The following ARID1B variants were observed in gnomAD, a reference collection of about 807,000 sequenced individuals.
The protein encoded by ARID1B is AT-rich interactive domain-containing protein 1B.
ARID1B carries 30 observed loss-of-function variants against 212.3 expected under a neutral mutation model. The observed-to-expected ratio is 0.14, with a 90% confidence interval of 0.11 to 0.19. ARID1B has a LOEUF of 0.19. Ranked by LOEUF, ARID1B falls within the 10% of genes least tolerant of loss-of-function variation. ARID1B has a pLI of 1.00. For missense variants in ARID1B, 2,891 were observed against 3,204.0 expected, an observed-to-expected ratio of 0.90 and a Z score of 2.36; for synonymous variants, 1,402 against 1,301.7, an observed-to-expected ratio of 1.08 and a Z score of -1.66.
chr6:157,158,288 G>T (rs1306629110), intron 8 of ARID1B, among the ~76,000 whole-genome samples: 1 of 152,178 alleles, frequency 6.6e-6, no homozygotes, highest in Non-Finnish European at 1.5e-5. Flanking sequence ...TGTGGCCCAG[G>T]CCACCGTTAA....
intron 4 of ARID1B, among the ~76,000 whole-genome samples, chr6:157,062,002 C>A (rs909483295): frequency 6.6e-6 from 1 of 152,050 alleles, no homozygotes; most frequent in Non-Finnish European, 1.5e-5. Context: ...GTGGGAAAAG[C>A]GAGACAGCAA....
chr6:156,904,602 A>C (rs551079711), intron 3 of ARID1B, among the ~76,000 whole-genome samples: 113 of 152,352 alleles, frequency 7.4e-4, no homozygotes, highest in African/African-American at 2.7e-3. Context: ...GACTCTTCCT[A>C]CATATGTGCC....
At chr6:157,156,003 TTATTTTCCTCTGAAGCCAG>T (rs1388146417) in intron 8 of ARID1B, among the ~76,000 whole-genome samples, 1 of 152,226 alleles carries the variant, frequency 6.6e-6, no homozygotes, top group Admixed American at 6.5e-5. Context: ...TTTTTCTGTG[TTATTTTCCTCTGAAGCCAG>T]TATGATGCAA....
At chr6:156,837,309 A>AGC (rs1319289836) in intron 2 of ARID1B, among the ~76,000 whole-genome samples, 1 of 152,238 alleles carries the variant, frequency 6.6e-6, no homozygotes, top group African/African-American at 2.4e-5. Context: ...AGAGAGATCT[A>AGC]GCAATTACTC....
intron 4 of ARID1B, among the ~76,000 whole-genome samples, chr6:157,009,953 C>T (rs936638765): frequency 6.6e-6 from 1 of 152,216 alleles, no homozygotes; most frequent in Admixed American, 6.5e-5. Context: ...TTCCAGGACT[C>T]TACAAAAGAT....
chr6:157,101,171 A>G lies in ARID1B; in HGVS notation c.2492-9301A>G, dbSNP rs563562257. On this transcript the variant is annotated intron_variant, in intron 5 of 19. Transcript: ENST00000636930. The stretch of plus-strand genomic sequence containing the variant: ...AGTAATGTATCAGTATTTGGTTGCT[A>G]CAATGTGTTCTTTTAATTTCTCACT... Among the ~76,000 whole-genome samples, 28 of 152,340 alleles carry G rather than the reference A, an allele frequency of 1.8e-4. No individual in the cohort carries two copies. The East Asian group carries it at 5.2e-3, about 28-fold the overall frequency.
In ARID1B at chr6:157,140,818, G is replaced by T. The variant is rs539243784; in HGVS notation, c.2761+7611G>T. The stretch of plus-strand genomic sequence containing the variant: ...GGGATCCGCTTCTGCCCCGGGAGAG[G>T]CAGCGGCCTTCCACATGGCTCCCTT... On this transcript the variant is annotated intron_variant, in intron 7 of 19. Transcript: ENST00000636930. 14 of 395,502 alleles carry T rather than the reference G, an allele frequency of 3.5e-5. No individual in the cohort carries two copies. In the South Asian group the frequency reaches 8.5e-4, roughly 24 times the overall value. The allele number at this position is 395,502 out of a possible 1,614,324, so 24.5% of individuals were successfully genotyped here. A position where few individuals can be genotyped will look rare whatever the true frequency, so the allele number is the denominator to read the frequency against.
Position 156,865,324 on chromosome 6 carries a change from C to T in ARID1B, c.1986+35903C>T, listed in dbSNP as rs574586316. Among the ~76,000 whole-genome samples the T allele has an allele frequency of 7.2e-5, 11 of 152,230 alleles. No homozygotes were observed. The South Asian group carries it at 2.3e-3, about 32-fold the overall frequency. On this transcript the variant is annotated intron_variant, in intron 2 of 19. Coordinates refer to ENST00000636930, the MANE Select transcript of ARID1B (RefSeq NM_001374828.1). ...TGTCTTTAAAATAAAAGACATTTTA[C>T]CCTCATGCATGACTTATAGATTGAG...
At chr6:156,825,221 T>C (rs761347770) in intron 1 of ARID1B, among the ~76,000 whole-genome samples, 70 of 152,190 alleles carry the variant, frequency 4.6e-4, no homozygotes, top group Non-Finnish European at 8.4e-4. Flanking sequence ...GACCCTCAGT[T>C]GTACATTTTT....
chr6:157,164,176 T>C (rs1045952379), intron 8 of ARID1B, among the ~76,000 whole-genome samples: 4 of 152,216 alleles, frequency 2.6e-5, no homozygotes, highest in African/African-American at 9.6e-5. Context: ...AGAGCTCCAG[T>C]GACAGAGTCA....
At chr6:156,801,399 T>TA (rs1780778743) in intron 1 of ARID1B, among the ~76,000 whole-genome samples, 1 of 151,758 alleles carries the variant, frequency 6.6e-6, no homozygotes, top group African/African-American at 2.4e-5. Flanking sequence ...CGGGGTTTCA[T>TA]CATCTTGGCT....
chr6:157,185,369 T>G (rs1482558660), intron 13 of ARID1B: 1 of 152,300 alleles, frequency 6.6e-6, no homozygotes, highest in Non-Finnish European at 1.5e-5. Context: ...GGTCCCTGTC[T>G]ATGAGATGTG....
chr6:156,806,894 A>G (rs961531330), intron 1 of ARID1B, among the ~76,000 whole-genome samples: 1 of 152,254 alleles, frequency 6.6e-6, no homozygotes, highest in Non-Finnish European at 1.5e-5. Context: ...CCGTAAATGA[A>G]CGTGGGAGGA....
chr6:157,149,034 TC>T, intron 8 of ARID1B, 83 bp downstream of exon 8: 1 of 1,378,390 alleles, frequency 7.3e-7, no homozygotes, highest in South Asian at 1.3e-5. Context: ...GCTGCATTGT[TC>T]CCTGGGGTCA....
At chr6:156,806,243 A>G (rs1583073008) in intron 1 of ARID1B, among the ~76,000 whole-genome samples, 2 of 152,178 alleles carry the variant, frequency 1.3e-5, no homozygotes, top group East Asian at 3.8e-4. Context: ...ACAAACTTTT[A>G]AAGGTTTTTA....
intron 13 of ARID1B, 149 bp from the exon 14 acceptor site, chr6:157,189,493 C>T: frequency 1.0e-6 from 1 of 978,496 alleles, no homozygotes; most frequent in South Asian, 2.3e-5. Flanking sequence ...TTTACAACAT[C>T]ATTATCAGCA....
intron 1 of ARID1B, among the ~76,000 whole-genome samples, chr6:156,802,098 T>C (rs1475206301): frequency 1.3e-5 from 2 of 152,206 alleles, no homozygotes; most frequent in African/African-American, 4.8e-5. Flanking sequence ...TTTCTCCTTC[T>C]CTCCTACCCA....
In ARID1B at chr6:157,208,013, A is replaced by G; in HGVS notation, c.*122A>G. On this transcript the variant is annotated 3_prime_UTR_variant, in exon 20 of 20. Transcript: ENST00000636930. ...AAGAAAATCTTTGCTCCTCTGCCCC[A>G]TTCACTATTTACCAATTGGGAATTA... is the stretch of plus-strand genomic sequence containing the variant. 2 of 1,055,300 alleles carry G rather than the reference A, an allele frequency of 1.9e-6. No homozygotes were observed. Among genetic ancestry groups the G allele is most frequent in the Non-Finnish European group, 2.5e-6 (2 of 787,506 alleles). The allele number at this position is 1,055,300 out of a possible 1,614,324, so 65.4% of individuals were successfully genotyped here.
chr6:156,946,301 G>C (rs1793134859), intron 4 of ARID1B, among the ~76,000 whole-genome samples: 1 of 152,100 alleles, frequency 6.6e-6, no homozygotes, highest in South Asian at 2.1e-4. Context: ...GAACCTGGGA[G>C]GTGGAGGTTG....
Sources: gnomAD v4.1 joint callset for allele counts (sites outside exome capture counted in the v4.1 genomes callset) on GRCh38, gnomAD v4.1.1 for gene constraint, MANE v1.5 for transcripts, NCBI Gene and HGNC (gene_info 2026-07-23, HGNC 2026-07-21) for gene names.